Variants in TSC22D2 observed in about 807,000 individuals in gnomAD.
TSC22D2 encodes TSC22 domain family member 2.
TSC22D2 carries 5 observed loss-of-function variants against 50.1 expected under a neutral mutation model. The ratio of observed to expected loss-of-function variants is 0.10; its 90% CI spans 0.05 to 0.21. The LOEUF (loss-of-function observed/expected upper bound fraction) is 0.21, where lower values mean the gene tolerates loss of function less well. Among genes scored for constraint, TSC22D2 ranks in the 10% least tolerant of loss-of-function variants. The probability of loss-of-function intolerance (pLI) is 1.00; values close to 1 mark genes in which losing one functional copy is unlikely to be tolerated. For synonymous variants in TSC22D2, 501 were observed against 450.1 expected (o/e 1.11, Z -1.43); for missense variants, 1,003 against 1,015.5 (o/e 0.99, Z 0.17).
intron 1 of TSC22D2, among the ~76,000 whole-genome samples, chr3:150,450,802 T>C (rs1002341208): frequency 1.3e-5 from 2 of 152,164 alleles, no homozygotes; most frequent in African/African-American, 4.8e-5. Flanking sequence ...AATCAGTGAC[T>C]CGCATTTTCT....
chr3:150,445,162 G>A (rs1034853637), intron 1 of TSC22D2, among the ~76,000 whole-genome samples: 8 of 151,650 alleles, frequency 5.3e-5, no homozygotes, highest in South Asian at 2.1e-4. Flanking sequence ...AAGAAGATCC[G>A]TAAGAATGTT....
At position 150,460,609 on chromosome 3, in the gene TSC22D2, A is replaced by C. The variant is rs1027747307; in HGVS notation, c.*1973A>C. 2 of 152,172 alleles carry C rather than the reference A, an allele frequency of 1.3e-5. No individual in the cohort carries two copies. Among genetic ancestry groups the C allele is most frequent in the Non-Finnish European group, 1.5e-5 (1 of 68,006 alleles). The allele number at this position is 152,172 out of a possible 1,614,324, so 9.4% of individuals were successfully genotyped here. A position where few individuals can be genotyped will look rare whatever the true frequency, so the allele number is the denominator to read the frequency against. ...TCAAGGAACTAAGTACATAGGCTTG[A>C]GTAAGCAACCCTAAGGATGTGTAGT... On this transcript the variant is annotated 3_prime_UTR_variant, in exon 3 of 3. Transcript: ENST00000688009.
intron 1 of TSC22D2, among the ~76,000 whole-genome samples, chr3:150,449,028 C>G (rs1359211489): frequency 1.3e-5 from 2 of 152,056 alleles, no homozygotes; most frequent in African/African-American, 4.8e-5. Flanking sequence ...AATCGCTGTA[C>G]TGGGAGCTAT....
intron 1 of TSC22D2, among the ~76,000 whole-genome samples, chr3:150,433,380 A>T (rs533845010): frequency 6.6e-6 from 1 of 152,240 alleles, no homozygotes; most frequent in African/African-American, 2.4e-5. Flanking sequence ...TTCAGTATCA[A>T]TGCTAATGGT....
chr3:150,458,324 C>T (rs374510691), intron 2 of TSC22D2, 52 bp from the exon 3 acceptor site: 143 of 1,568,466 alleles, frequency 9.1e-5, no homozygotes, highest in South Asian at 3.7e-4. Context: ...AACCAGATAG[C>T]ACCACCTTTA....
intron 1 of TSC22D2, among the ~76,000 whole-genome samples, chr3:150,429,431 T>C (rs892249379): frequency 1.3e-5 from 2 of 152,152 alleles, no homozygotes; most frequent in Admixed American, 6.5e-5. Context: ...TAAGGTTAAC[T>C]TCATTTAGAA....
At chr3:150,438,532 G>A (rs1051852521) in intron 1 of TSC22D2, among the ~76,000 whole-genome samples, 4 of 152,174 alleles carry the variant, frequency 2.6e-5, no homozygotes, top group Non-Finnish European at 4.4e-5. Context: ...GCTGAAGGCC[G>A]TATCTTTGCA....
At position 150,419,305 on chromosome 3, in the gene TSC22D2, C is replaced by T. The variant is rs539181430; in HGVS notation, c.1958+7997C>T. Among the ~76,000 whole-genome samples the T allele has an allele frequency of 1.7e-3, 264 of 152,112 alleles. 1 individual carries two copies. Among genetic ancestry groups the T allele is most frequent in the African/African-American group, 6.0e-3 (251 of 41,514 alleles). ...CCTAAAGCCAGTGCTTTTGAATATT[C>T]CCAGAGTTAGAAGTTTGTTTTATTA... is the stretch of plus-strand genomic sequence containing the variant. On this transcript the variant is annotated intron_variant, in intron 1 of 2. Transcript: ENST00000688009.
intron 2 of TSC22D2, 22 bp downstream of exon 2, chr3:150,457,149 T>A: frequency 1.2e-6 from 2 of 1,604,294 alleles, no homozygotes; most frequent in Non-Finnish European, 1.7e-6. Context: ...TTTACAGTTC[T>A]CCCATTTCAT....
intron 1 of TSC22D2, among the ~76,000 whole-genome samples, chr3:150,445,876 A>G (rs1483861116): frequency 1.3e-5 from 2 of 152,066 alleles, no homozygotes; most frequent in Non-Finnish European, 2.9e-5. Context: ...CAGGTGGATG[A>G]CAAGGTCAGG....
intron 1 of TSC22D2, among the ~76,000 whole-genome samples, chr3:150,440,389 A>C (rs1163813182): frequency 6.6e-6 from 1 of 152,174 alleles, no homozygotes; most frequent in Non-Finnish European, 1.5e-5. Context: ...TTAAGTATTA[A>C]TTGCATTAAA....
At position 150,410,899 on chromosome 3, in the gene TSC22D2, A is replaced by G; in HGVS notation, c.1549A>G (p.Ser517Gly). 6.2e-7 allele frequency: 1 copy of G among 1,614,068 alleles called. No individual in the cohort carries two copies. Among genetic ancestry groups the G allele is most frequent in the Non-Finnish European group, 8.5e-7 (1 of 1,180,020 alleles). ...PNVPAAVPAP[S>G]VPSVSTTSVT... is the part of the protein sequence containing the mutation. Reference sequence around the variant, plus strand: ...CGTGCCTGCAGCCGTGCCCGCTCCAAGCGTGCCTAGTGTGTCTACCACTTC... The same window carrying G: ...CGTGCCTGCAGCCGTGCCCGCTCCAGGCGTGCCTAGTGTGTCTACCACTTC... The change falls in exon 1 of 3, where the codon AGC becomes GGC. Residue 517 changes from serine to glycine, a missense_variant. This residue lies in a region of TSC22D2 where 696 missense variants were observed against 647.8 expected (regional missense o/e 1.07). Coordinates refer to ENST00000688009, the MANE Select transcript of TSC22D2 (RefSeq NM_001303264.2).
In TSC22D2 at chr3:150,464,407, GTTTC is replaced by G. The variant is rs1297961270; in HGVS notation, c.*5775_*5778del. 7 of 151,792 alleles carry G rather than the reference GTTTC, an allele frequency of 4.6e-5. No individual in the cohort carries two copies. Among genetic ancestry groups the G allele is most frequent in the African/African-American group, 9.7e-5 (4 of 41,290 alleles). 9.4% of individuals were successfully genotyped at this position (151,792 alleles called of 1,614,324 possible). A position where few individuals can be genotyped will look rare whatever the true frequency, so the allele number is the denominator to read the frequency against. ...AAAGTGATGTTTTCAAGAAATTTAG[GTTTC>G]TTTTTTTTATTTTATAAAAAAAATG... On this transcript the variant is annotated 3_prime_UTR_variant, in exon 3 of 3. Coordinates refer to ENST00000688009, the MANE Select transcript of TSC22D2 (RefSeq NM_001303264.2).
rs768743840 is a variant in TSC22D2 at position 150,409,779 on chromosome 3, C to T, written c.429C>T (p.Ser143=). 4.4e-6 allele frequency: 7 copies of T among 1,602,390 alleles called. No homozygotes were observed. In the Admixed American group the frequency reaches 6.7e-5, roughly 15 times the overall value. Residue 143 remains serine, a synonymous_variant, in exon 1 of 3, where the codon TCC becomes TCT. Transcript: ENST00000688009. The surrounding 1 kb of genome is among the most constrained non-coding windows in gnomAD (Gnocchi z 7.4). ...APGGPQLAGS[S]AGPVTAAPSQ... is the part of the protein sequence containing the mutation. ...GCGGCCCCCAGCTCGCGGGCTCATCCGCCGGGCCAGTGACTGCAGCCCCAT... is the reference window on the plus strand; with the variant it reads ...GCGGCCCCCAGCTCGCGGGCTCATCTGCCGGGCCAGTGACTGCAGCCCCAT...
In TSC22D2 at chr3:150,410,725, C is replaced by A; in HGVS notation, c.1375C>A (p.Pro459Thr). The A allele has an allele frequency of 3.8e-6, 6 of 1,594,066 alleles. No homozygotes were observed. Among genetic ancestry groups the A allele is most frequent in the Non-Finnish European group, 5.1e-6 (6 of 1,171,124 alleles). ...GCCTTGTCAGCCGACTGGAGTGCCC[C>A]CGGCTACTGTGGGAGGCGTGGTGCA... ...VAPCQPTGVPPATVGGVVQPC... is the reference protein window; with the variant it reads ...VAPCQPTGVPTATVGGVVQPC... Residue 459 changes from proline to threonine, a missense_variant, in exon 1 of 3, where the codon CCG becomes ACG. Around this residue, in one of 6 missense-constraint regions of TSC22D2, gnomAD observed 696 missense variants for 647.8 expected, o/e 1.07. Transcript: ENST00000688009.
At position 150,411,025 on chromosome 3, in the gene TSC22D2, C is replaced by G; in HGVS notation, c.1675C>G (p.Leu559Val). Reference protein sequence around the residue: ...RSSSIIQHVGLPLAPGTHSAP... With the variant: ...RSSSIIQHVGVPLAPGTHSAP... Reference sequence around the variant, plus strand: ...CAGCAGCATAATCCAGCATGTTGGGCTGCCCTTAGCGCCAGGCACACACAG... The same window carrying G: ...CAGCAGCATAATCCAGCATGTTGGGGTGCCCTTAGCGCCAGGCACACACAG... Residue 559 changes from leucine to valine, a missense_variant, in exon 1 of 3, where the codon CTG (leucine) becomes GTG (valine). Leu to Val is a conservative substitution (Grantham distance 32). Coordinates refer to ENST00000688009, the MANE Select transcript of TSC22D2 (RefSeq NM_001303264.2). The G allele has an allele frequency of 6.2e-7, 1 of 1,614,230 alleles. No homozygotes were observed. Among genetic ancestry groups the G allele is most frequent in the Non-Finnish European group, 8.5e-7 (1 of 1,180,044 alleles).
intron 1 of TSC22D2, among the ~76,000 whole-genome samples, chr3:150,428,611 AT>A (rs777321878): frequency 0.14 from 19,575 of 144,626 alleles, 1,535 homozygotes; most frequent in Non-Finnish European, 0.2. Flanking sequence ...AAAAAAAAAC[AT>A]ACTTAGATAT....
rs935077793 is a variant in TSC22D2 at position 150,460,404 on chromosome 3, G to A, written c.*1768G>A. 6.6e-6 allele frequency: 1 copy of A among 151,874 alleles called. No homozygotes were observed. The highest frequency in any genetic ancestry group is 1.5e-5 in the Non-Finnish European group (1 of 68,022). The allele number at this position is 151,874 out of a possible 1,614,324, so 9.4% of individuals were successfully genotyped here. The stretch of plus-strand genomic sequence containing the variant: ...ATCTGTAGCCAGCTAGCTAATCAGA[G>A]TTAATGAGAACCAGTAGTTAGTTCT... On this transcript the variant is annotated 3_prime_UTR_variant, in exon 3 of 3. Coordinates refer to ENST00000688009, the MANE Select transcript of TSC22D2 (RefSeq NM_001303264.2).
intron 1 of TSC22D2, among the ~76,000 whole-genome samples, chr3:150,453,248 CAAG>C (rs1721093985): frequency 6.6e-6 from 1 of 151,736 alleles, no homozygotes; most frequent in South Asian, 2.1e-4. Flanking sequence ...AAAAAGAAAA[CAAG>C]GTATATAGTA....
Sources: gnomAD v4.1 joint callset for allele counts (sites outside exome capture counted in the v4.1 genomes callset) on GRCh38, gnomAD v4.1.1 for gene constraint, gnomAD v4.1.1 regional missense constraint, Gnocchi (gnomAD v3.1) non-coding constraint, MANE v1.5 for transcripts, NCBI Gene and HGNC (gene_info 2026-07-23, HGNC 2026-07-21) for gene names.